The following CCNG1 variants were observed in gnomAD, a reference collection of about 807,000 sequenced individuals.
The protein encoded by CCNG1 is cyclin G1, also known as cyclin-G1.
CCNG1 carries 13 observed loss-of-function variants against 30.0 expected under a neutral mutation model. The observed-to-expected ratio is 0.43, with a 90% CI of 0.28 to 0.69. The LOEUF (loss-of-function observed/expected upper bound fraction) is 0.69, where lower values mean the gene tolerates loss of function less well. Among genes scored for constraint, CCNG1 ranks in the 30% least tolerant of loss-of-function variants. The probability of loss-of-function intolerance (pLI) is 0.16; values close to 1 mark genes in which losing one functional copy is unlikely to be tolerated. For synonymous variants in CCNG1, 110 were observed against 121.5 expected, an observed-to-expected ratio of 0.91 and a Z score of 0.62; for missense variants, 285 against 331.4, an observed-to-expected ratio of 0.86 and a Z score of 1.09.
chr5:163,450,505 G>A (rs1758151783), downstream of CCNG1: 1 of 152,200 alleles, frequency 6.6e-6, no homozygotes, highest in East Asian at 1.9e-4. Context: ...AAAAAAATGG[G>A]TAAATAATTT....
At position 163,437,619 on chromosome 5, in the gene CCNG1, A is replaced by C. The variant is rs1188671135; in HGVS notation, c.-186A>C. Reference sequence around the variant, plus strand: ...CCCCTTCGGCTCCGAGCTGACCCTGATCAGGGCCGAGTTGTCTCGGCGGCG... The same window carrying C: ...CCCCTTCGGCTCCGAGCTGACCCTGCTCAGGGCCGAGTTGTCTCGGCGGCG... On this transcript the variant is annotated 5_prime_UTR_variant, in exon 1 of 7. Coordinates refer to ENST00000340828, the MANE Select transcript of CCNG1 (RefSeq NM_004060.4). 1 of 151,786 alleles carries C rather than the reference A, an allele frequency of 6.6e-6. No individual in the cohort carries two copies. Among genetic ancestry groups the C allele is most frequent in the African/African-American group, 2.4e-5 (1 of 41,244 alleles). 9.4% of individuals were successfully genotyped at this position (151,786 alleles called of 1,614,324 possible). A position where few individuals can be genotyped will look rare whatever the true frequency, so the allele number is the denominator to read the frequency against.
At position 163,441,074 on chromosome 5, in the gene CCNG1, T is replaced by G; in HGVS notation, c.265-4T>G. 3 of 1,604,964 alleles carry G rather than the reference T, an allele frequency of 1.9e-6. No homozygotes were observed. The highest frequency in any genetic ancestry group is 1.7e-6 in the Non-Finnish European group (2 of 1,176,664). On this transcript the variant is annotated splice_polypyrimidine_tract_variant and splice_region_variant and intron_variant, in intron 2 of 6. Transcript: ENST00000340828. ...GCTTACTGGTTTTGTTTTTGATTTT[T>G]TAGGTACAGCCCAAGCACCTTGGGT...
At chr5:163,445,487 CTT>C (rs994926267), downstream of CCNG1, among the ~76,000 whole-genome samples, 1 of 152,084 alleles carries the variant, frequency 6.6e-6, no homozygotes, top group African/African-American at 2.4e-5. Flanking sequence ...CAGGGTCACT[CTT>C]GTCACCCAGG....
At chr5:163,457,436 G>C in the CCNG1 span, 2 of 669,938 alleles carry the variant, frequency 3.0e-6, no homozygotes, top group East Asian at 5.3e-5. Context: ...ACATACAACG[G>C]TTTTCAACAC....
the CCNG1 span, chr5:163,453,675 T>C: frequency 4.9e-6 from 1 of 204,188 alleles, no homozygotes; most frequent in Non-Finnish European, 9.8e-6. Flanking sequence ...TACTCTAATG[T>C]TCTTTTGTAT....
chr5:163,439,650 A>G (rs890070379), intron 2 of CCNG1, 130 bp downstream of exon 2: 1 of 688,452 alleles, frequency 1.5e-6, no homozygotes, highest in Non-Finnish European at 2.4e-6. Flanking sequence ...AATTTTGTCT[A>G]CTACAGCATT....
the CCNG1 span, chr5:163,451,712 G>A: frequency 1.5e-4 from 23 of 152,374 alleles, no homozygotes; most frequent in African/African-American, 5.5e-4. Flanking sequence ...CATAGGATGC[G>A]AAGCCTAAGC....
rs918530 is a variant in CCNG1, at chr5:163,442,062, G to T, written c.615G>T (p.Leu205Phe). ...FSKAKPSVLA[L>F]SIIALEIQAQ... ...TCTTTTAGCCTTCTGTGTTGGCATT[G>T]TCTATCATTGCATTAGAGATCCAAG... is the stretch of plus-strand genomic sequence containing the variant. Residue 205 changes from leucine to phenylalanine, a missense_variant, in exon 5 of 7, where the codon TTG becomes TTT. Leu to Phe is a conservative substitution (Grantham distance 22). Transcript: ENST00000340828. The T allele has an allele frequency of 1.1e-4, 178 of 1,612,094 alleles. No individual in the cohort carries two copies. The highest frequency in any genetic ancestry group is 1.4e-4 in the Non-Finnish European group (161 of 1,178,562).
downstream of CCNG1, chr5:163,451,133 A>G (rs1758165975): frequency 6.6e-6 from 1 of 152,220 alleles, no homozygotes; most frequent in Admixed American, 6.5e-5. Context: ...GGATGACAGG[A>G]GAAGGATAAA....
chr5:163,456,796 C>T, the CCNG1 span: 1 of 711,618 alleles, frequency 1.4e-6, no homozygotes, highest in Non-Finnish European at 2.1e-6. Context: ...ATTTTTCTAA[C>T]AATTCACTTT....
At chr5:163,440,636 A>G (rs1407793331) in intron 2 of CCNG1, among the ~76,000 whole-genome samples, 1 of 152,196 alleles carries the variant, frequency 6.6e-6, no homozygotes, top group Non-Finnish European at 1.5e-5. Context: ...ATAGTATTTT[A>G]AAACTGTTTT....
In CCNG1 at chr5:163,443,767, C is replaced by T. The variant is rs1359963149; in HGVS notation, c.*97C>T. On this transcript the variant is annotated 3_prime_UTR_variant, in exon 7 of 7. Transcript: ENST00000340828. The stretch of plus-strand genomic sequence containing the variant: ...GTTACAATGGATTTAAGCTATGAAG[C>T]CTCAAAACATCACGAGATAAGCATG... 1 of 1,370,592 alleles carries T rather than the reference C, an allele frequency of 7.3e-7. No individual in the cohort carries two copies. Among genetic ancestry groups the T allele is most frequent in the Non-Finnish European group, 1.0e-6 (1 of 1,004,052 alleles). 84.9% of individuals were successfully genotyped at this position (1,370,592 alleles called of 1,614,324 possible).
the CCNG1 span, among the ~76,000 whole-genome samples, chr5:163,455,457 G>A: frequency 6.6e-6 from 1 of 152,158 alleles, no homozygotes; most frequent in African/African-American, 2.4e-5. Flanking sequence ...GATGTGACTT[G>A]GATTTTAAAA....
At chr5:163,456,163 G>GA in the CCNG1 span, among the ~76,000 whole-genome samples, 1 of 151,962 alleles carries the variant, frequency 6.6e-6, no homozygotes, top group African/African-American at 2.4e-5. Flanking sequence ...CCTAAATTCA[G>GA]AAAAAAAGTC....
In CCNG1 at chr5:163,442,493, T is replaced by C; in HGVS notation, c.816T>C (p.Arg272=). The part of the protein sequence containing the change: ...VQKLKWIVSG[R]TARQLKHSYY... ...AGTTGAAATGGATTGTTTCTGGGCG[T>C]ACTGCACGGCAATTGAAGCATAGCT... Residue 272 remains arginine, a synonymous_variant, in exon 6 of 7, where the codon CGT becomes CGC. Transcript: ENST00000340828. 2 of 1,614,050 alleles carry C rather than the reference T, an allele frequency of 1.2e-6. No homozygotes were observed. The highest frequency in any genetic ancestry group is 1.7e-6 in the Non-Finnish European group (2 of 1,179,938).
the CCNG1 span, among the ~76,000 whole-genome samples, chr5:163,455,538 C>T: frequency 6.6e-5 from 10 of 152,032 alleles, no homozygotes; most frequent in African/African-American, 2.2e-4. Flanking sequence ...CCAAGGCGGG[C>T]GGATCACGAG....
At chr5:163,445,963 G>C (rs1758028636), downstream of CCNG1, 1 of 152,108 alleles carries the variant, frequency 6.6e-6, no homozygotes. Context: ...CACTTCAGCA[G>C]CGTGGTTGCT....
chr5:163,443,535 C>A, intron 6 of CCNG1, 139 bp from the exon 7 acceptor site: 1 of 590,124 alleles, frequency 1.7e-6, no homozygotes. Flanking sequence ...ATTTATTCTA[C>A]TCAAAACTAA....
downstream of CCNG1, chr5:163,446,698 A>G (rs1323133744): frequency 3.3e-5 from 5 of 152,240 alleles, no homozygotes; most frequent in Admixed American, 3.3e-4. Context: ...AGTAAACATG[A>G]GTCAAGATGA....
Sources: gnomAD v4.1 joint callset for allele counts (sites outside exome capture counted in the v4.1 genomes callset) on GRCh38, gnomAD v4.1.1 for gene constraint, MANE v1.5 for transcripts, NCBI Gene and HGNC (gene_info 2026-07-23, HGNC 2026-07-21) for gene names.